PTPRD: variants seen among roughly 807,000 people sequenced by gnomAD.
The protein encoded by PTPRD is receptor-type tyrosine-protein phosphatase delta.
In PTPRD, 34 loss-of-function variants were observed where a neutral mutation model predicts 214.5. The observed-to-expected ratio is 0.16, with a 90% CI of 0.12 to 0.21. PTPRD has a LOEUF of 0.21. Among genes scored for constraint, PTPRD ranks in the 10% least tolerant of loss-of-function variants. PTPRD has a pLI of 1.00. For synonymous variants in PTPRD, 1,128 were observed against 845.7 expected (o/e 1.33, Z -5.79); for missense variants, 2,545 against 2,398.7 (o/e 1.06, Z -1.27).
chr9:8,830,350 A>G (rs2097263020), intron 11 of PTPRD, among the ~76,000 whole-genome samples: 1 of 152,182 alleles, frequency 6.6e-6, no homozygotes, highest in Admixed American at 6.5e-5. Context: ...TTGAGGGAAA[A>G]TAATCAAAGG....
intron 14 of PTPRD, among the ~76,000 whole-genome samples, chr9:8,553,004 A>G (rs1360859916): frequency 6.6e-6 from 1 of 152,132 alleles, no homozygotes; most frequent in East Asian, 1.9e-4. Context: ...ATGACCACAG[A>G]CCCAAGAGAG....
intron 8 of PTPRD, among the ~76,000 whole-genome samples, chr9:9,452,117 A>T (rs1374927892): frequency 6.6e-6 from 1 of 151,502 alleles, no homozygotes; most frequent in African/African-American, 2.4e-5. Flanking sequence ...GCAGTTTATA[A>T]TAAAAAAGCT....
At chr9:10,078,675 T>A (rs575591285) in intron 3 of PTPRD, among the ~76,000 whole-genome samples, 1 of 152,232 alleles carries the variant, frequency 6.6e-6, no homozygotes, top group African/African-American at 2.4e-5. Context: ...TTTACCAACT[T>A]CATAAAATAA....
At chr9:10,387,326 T>G (rs1006123305) in intron 2 of PTPRD, among the ~76,000 whole-genome samples, 2 of 151,918 alleles carry the variant, frequency 1.3e-5, no homozygotes, top group Non-Finnish European at 2.9e-5. Context: ...CTTTATGTTT[T>G]CTAAGGTTGA....
At chr9:10,388,053 C>A (rs927066052) in intron 2 of PTPRD, among the ~76,000 whole-genome samples, 1 of 151,336 alleles carries the variant, frequency 6.6e-6, no homozygotes, top group African/African-American at 2.4e-5. Flanking sequence ...TCAGACAACA[C>A]AATTCATTAA....
intron 6 of PTPRD, among the ~76,000 whole-genome samples, chr9:9,760,794 C>T (rs749584549): frequency 3.9e-5 from 6 of 151,992 alleles, no homozygotes; most frequent in Non-Finnish European, 5.9e-5. Flanking sequence ...CATGAAAAGA[C>T]GTTCAACATC....
At chr9:9,075,804 C>A (rs2099750255) in intron 10 of PTPRD, among the ~76,000 whole-genome samples, 1 of 152,098 alleles carries the variant, frequency 6.6e-6, no homozygotes, top group Non-Finnish European at 1.5e-5. Flanking sequence ...TTAATTCAGT[C>A]TTTCATTGAT....
At chr9:9,687,194 C>T (rs773727547) in intron 7 of PTPRD, among the ~76,000 whole-genome samples, 3 of 151,794 alleles carry the variant, frequency 2.0e-5, no homozygotes, top group Non-Finnish European at 4.4e-5. Context: ...CTCGTGAGTT[C>T]CTAGGAAACA....
At chr9:9,297,877 A>G (rs1176054512) in intron 9 of PTPRD, among the ~76,000 whole-genome samples, 1 of 151,716 alleles carries the variant, frequency 6.6e-6, no homozygotes, top group East Asian at 1.9e-4. Flanking sequence ...CTGTTTTAAT[A>G]CTTTACATAT....
At chr9:8,786,475 T>A (rs888868995) in intron 11 of PTPRD, among the ~76,000 whole-genome samples, 1 of 140,858 alleles carries the variant, frequency 7.1e-6, no homozygotes, top group African/African-American at 2.6e-5. Context: ...AGTGGCTCCA[T>A]CTCAGCTCAA....
chr9:8,632,998 G>A (rs534921003), intron 14 of PTPRD, among the ~76,000 whole-genome samples: 2 of 151,940 alleles, frequency 1.3e-5, no homozygotes, highest in East Asian at 1.9e-4. Flanking sequence ...ATCCATGCAC[G>A]AGTAATGCCA....
At chr9:10,394,679 G>T (rs2098134280) in intron 2 of PTPRD, among the ~76,000 whole-genome samples, 2 of 151,750 alleles carry the variant, frequency 1.3e-5, no homozygotes, top group Non-Finnish European at 2.9e-5. Flanking sequence ...CATAAAAATA[G>T]CCTTTTGTGA....
chr9:9,705,315 A>C (rs1053180771), intron 7 of PTPRD, among the ~76,000 whole-genome samples: 6 of 152,206 alleles, frequency 3.9e-5, no homozygotes, highest in Admixed American at 3.3e-4. Flanking sequence ...TTTTTCCATT[A>C]TGATTATCTT....
intron 14 of PTPRD, among the ~76,000 whole-genome samples, chr9:8,566,816 A>T (rs1019741943): frequency 5.3e-5 from 8 of 152,212 alleles, no homozygotes; most frequent in African/African-American, 1.9e-4. Context: ...TAAAAATTCT[A>T]GACAAGGTAT....
chr9:8,433,054 G>T (rs1215633760), intron 35 of PTPRD, among the ~76,000 whole-genome samples: 1 of 152,220 alleles, frequency 6.6e-6, no homozygotes, highest in Non-Finnish European at 1.5e-5. Context: ...GCATTCAATA[G>T]ATGCAACTGA....
At position 10,136,663 on chromosome 9, in the gene PTPRD, C is replaced by A. The variant is rs548668314; in HGVS notation, c.-544-102873G>T. Among the ~76,000 whole-genome samples, 2 of 87,080 alleles carry A rather than the reference C, an allele frequency of 2.3e-5. 1 individual carries two copies. The highest frequency in any genetic ancestry group is 7.6e-4 in the East Asian group (2 of 2,624). The allele number at this position is 87,080 out of a possible 152,430, so 57.1% of individuals were successfully genotyped here. A position where few individuals can be genotyped will look rare whatever the true frequency, so the allele number is the denominator to read the frequency against. On this transcript the variant is annotated intron_variant, in intron 3 of 45. Coordinates refer to ENST00000381196, the MANE Select transcript of PTPRD (RefSeq NM_002839.4). ...GGGCAAGGACTTCATGTCCAAAACACCAAAAGCAATGGCAACAAAAGACAA... is the reference window on the plus strand; with the variant it reads ...GGGCAAGGACTTCATGTCCAAAACAACAAAAGCAATGGCAACAAAAGACAA...
chr9:8,507,483 C>G (rs772790597), intron 21 of PTPRD, 49 bp from the exon 22 acceptor site: 2 of 1,610,412 alleles, frequency 1.2e-6, no homozygotes, highest in Non-Finnish European at 1.7e-6. Context: ...CAGGAGTATT[C>G]ACAAAGTTCT....
chr9:8,399,391 A>C (rs974778972), intron 36 of PTPRD, among the ~76,000 whole-genome samples: 1 of 152,168 alleles, frequency 6.6e-6, no homozygotes, highest in Non-Finnish European at 1.5e-5. Flanking sequence ...AGTGGGGTTT[A>C]AATGTTCGTG....
At chr9:10,433,089 A>C (rs146458134) in intron 2 of PTPRD, among the ~76,000 whole-genome samples, 1 of 151,986 alleles carries the variant, frequency 6.6e-6, no homozygotes, top group East Asian at 1.9e-4. Context: ...TGCAGAGACA[A>C]TGATGTATGT....
Sources: gnomAD v4.1 joint callset for allele counts (sites outside exome capture counted in the v4.1 genomes callset) on GRCh38, gnomAD v4.1.1 for gene constraint, MANE v1.5 for transcripts, NCBI Gene and HGNC (gene_info 2026-07-23, HGNC 2026-07-21) for gene names.